The following GRM7 variants were observed in gnomAD, a reference collection of about 807,000 sequenced individuals.
GRM7 encodes glutamate metabotropic receptor 7.
In GRM7, 35 loss-of-function variants were observed where a neutral mutation model predicts 84.5. That is an observed-to-expected ratio of 0.41 (90% CI 0.32 to 0.55). The LOEUF (loss-of-function observed/expected upper bound fraction) is 0.55, where lower values mean the gene tolerates loss of function less well. Ranked by LOEUF, GRM7 falls within the 20% of genes least tolerant of loss-of-function variation. The pLI, the probability that GRM7 is intolerant of heterozygous loss-of-function variation, is 0.19. For synonymous variants in GRM7, 487 were observed against 455.1 expected, an observed-to-expected ratio of 1.07 and a Z score of -0.89; for missense variants, 1,003 against 1,194.6, an observed-to-expected ratio of 0.84 and a Z score of 2.36.
chr3:6,970,060 C>G (rs534726116), intron 1 of GRM7, among the ~76,000 whole-genome samples: 1 of 152,344 alleles, frequency 6.6e-6, no homozygotes, highest in South Asian at 2.1e-4. Flanking sequence ...ACTAAGTGAA[C>G]TGGGCCAGAG....
rs368326205 is a variant in GRM7, at chr3:7,146,791, A to C, written c.736+123A>C. 1,575 of 665,158 alleles carry C rather than the reference A, an allele frequency of 2.4e-3. 33 individuals carry two copies. The South Asian group carries it at 0.028, about 12-fold the overall frequency. 41.2% of individuals were successfully genotyped at this position (665,158 alleles called of 1,614,324 possible). A position where few individuals can be genotyped will look rare whatever the true frequency, so the allele number is the denominator to read the frequency against. On this transcript the variant is annotated intron_variant, in intron 2 of 9. Transcript: ENST00000357716. Reference sequence around the variant, plus strand: ...ACATTCCCAGAGTCCTGTGAAGTACACCTGTGATGTCTTCATCTGTATGAC... The same window carrying C: ...ACATTCCCAGAGTCCTGTGAAGTACCCCTGTGATGTCTTCATCTGTATGAC...
At chr3:6,953,167 A>T (rs1390948666) in intron 1 of GRM7, among the ~76,000 whole-genome samples, 2 of 152,158 alleles carry the variant, frequency 1.3e-5, no homozygotes, top group African/African-American at 4.8e-5. Context: ...GGGGACCCAG[A>T]TTCTTTCATC....
chr3:7,589,025 C>A (rs532871878), intron 8 of GRM7, among the ~76,000 whole-genome samples: 2 of 152,166 alleles, frequency 1.3e-5, no homozygotes, highest in African/African-American at 4.8e-5. Context: ...TTTAGGCTGG[C>A]GAAATCTGCC....
intron 1 of GRM7, among the ~76,000 whole-genome samples, chr3:7,124,181 C>T (rs1693318455): frequency 6.6e-6 from 1 of 152,140 alleles, no homozygotes; most frequent in Non-Finnish European, 1.5e-5. Context: ...GACATTAAAT[C>T]AGAAATTCTA....
intron 8 of GRM7, among the ~76,000 whole-genome samples, chr3:7,638,140 A>G (rs981690776): frequency 6.6e-6 from 1 of 152,144 alleles, no homozygotes; most frequent in African/African-American, 2.4e-5. Context: ...ACTTCCTTTA[A>G]TAGGCCCACA....
At chr3:7,432,513 G>T (rs1696870877) in intron 5 of GRM7, among the ~76,000 whole-genome samples, 1 of 151,994 alleles carries the variant, frequency 6.6e-6, no homozygotes. Flanking sequence ...GTAGAGATGA[G>T]GTTTTACCAT....
chr3:7,404,431 C>T (rs1443938426), intron 4 of GRM7, among the ~76,000 whole-genome samples: 2 of 152,158 alleles, frequency 1.3e-5, no homozygotes, highest in East Asian at 1.9e-4. Flanking sequence ...TGAGAACTAA[C>T]CATCAGGCTT....
chr3:6,929,986 A>T (rs1697445143), intron 1 of GRM7, among the ~76,000 whole-genome samples: 1 of 152,164 alleles, frequency 6.6e-6, no homozygotes, highest in Admixed American at 6.5e-5. Flanking sequence ...TAATCATTTG[A>T]TTTTCCCCAA....
chr3:7,413,971 C>G (rs1696054231), intron 4 of GRM7, among the ~76,000 whole-genome samples: 1 of 152,128 alleles, frequency 6.6e-6, no homozygotes, highest in South Asian at 2.1e-4. Context: ...GTGTCAGAAA[C>G]CAGGGTCTGG....
At chr3:7,022,349 A>G (rs1432813152) in intron 1 of GRM7, among the ~76,000 whole-genome samples, 1 of 139,380 alleles carries the variant, frequency 7.2e-6, no homozygotes, top group African/African-American at 2.7e-5. Context: ...AATAAAATAT[A>G]TATATATACA....
At chr3:7,395,403 C>G (rs1024550737) in intron 4 of GRM7, among the ~76,000 whole-genome samples, 1 of 152,130 alleles carries the variant, frequency 6.6e-6, no homozygotes, top group Non-Finnish European at 1.5e-5. Context: ...TTTTCCAACT[C>G]TAGTATGGAG....
chr3:7,121,076 A>G (rs185933317), intron 1 of GRM7, among the ~76,000 whole-genome samples: 1 of 152,124 alleles, frequency 6.6e-6, no homozygotes, highest in South Asian at 2.1e-4. Flanking sequence ...GATTCTTGAC[A>G]TATATAGATT....
chr3:7,420,287 T>C (rs1379215334), intron 5 of GRM7, among the ~76,000 whole-genome samples: 1 of 152,148 alleles, frequency 6.6e-6, no homozygotes, highest in East Asian at 1.9e-4. Context: ...TTAGTTTTTT[T>C]ATACTCACTG....
At chr3:7,649,762 A>AATCAT (rs1396798853) in intron 8 of GRM7, among the ~76,000 whole-genome samples, 1 of 152,044 alleles carries the variant, frequency 6.6e-6, no homozygotes, top group Non-Finnish European at 1.5e-5. Flanking sequence ...AACTATTCCT[A>AATCAT]ATCATATAAC....
At position 7,229,759 on chromosome 3, in the gene GRM7, ATTTTTTT is replaced by A. The variant is rs1200808989; in HGVS notation, c.737-68916_737-68910del. Among the ~76,000 whole-genome samples, 85 of 30,346 alleles carry A rather than the reference ATTTTTTT, an allele frequency of 2.8e-3. 1 individual carries two copies. The highest frequency in any genetic ancestry group is 4.8e-3 in the Admixed American group (9 of 1,860). The allele number at this position is 30,346 out of a possible 152,430, so 19.9% of individuals were successfully genotyped here. A position where few individuals can be genotyped will look rare whatever the true frequency, so the allele number is the denominator to read the frequency against. ...TATATATATATATATATATATATAT[ATTTTTTT>A]TTTTTTTTGGTTGACAGGTGTTGAG... On this transcript the variant is annotated intron_variant, in intron 2 of 9. Coordinates refer to ENST00000357716, the MANE Select transcript of GRM7 (RefSeq NM_000844.4).
intron 2 of GRM7, among the ~76,000 whole-genome samples, chr3:7,251,944 T>G (rs1698003927): frequency 6.6e-6 from 1 of 152,198 alleles, no homozygotes; most frequent in South Asian, 2.1e-4. Context: ...TAAACTCCAG[T>G]AGCCGGAAAA....
intron 6 of GRM7, 106 bp from the exon 7 acceptor site, chr3:7,461,451 GGGGACCTATTAAAGGGGATATCTAGT>G (rs1386838814): frequency 9.4e-6 from 6 of 641,282 alleles, no homozygotes; most frequent in Non-Finnish European, 1.3e-5. Flanking sequence ...GCCGTTTTGG[GGGGACCTATTAAAGGGGATATCTAGT>G]AACTACCTTT....
At chr3:7,037,756 A>C (rs910914088) in intron 1 of GRM7, among the ~76,000 whole-genome samples, 12 of 152,168 alleles carry the variant, frequency 7.9e-5, no homozygotes, top group Non-Finnish European at 1.6e-4. Context: ...AAGAAATAGA[A>C]CCTGTTACTG....
chr3:7,106,082 T>A (rs532681233), intron 1 of GRM7, among the ~76,000 whole-genome samples: 80 of 151,496 alleles, frequency 5.3e-4, no homozygotes, highest in Admixed American at 1.6e-3. Flanking sequence ...TTCAGTCCAT[T>A]TTCTTCTTTG....
Sources: gnomAD v4.1 joint callset for allele counts (sites outside exome capture counted in the v4.1 genomes callset) on GRCh38, gnomAD v4.1.1 for gene constraint, MANE v1.5 for transcripts, NCBI Gene and HGNC (gene_info 2026-07-23, HGNC 2026-07-21) for gene names.